Variants in RIC1 observed in about 807,000 individuals in gnomAD.
The protein encoded by RIC1 is guanine nucleotide exchange factor subunit RIC1.
In RIC1, 88 loss-of-function variants were observed where a neutral mutation model predicts 169.0. The ratio of observed to expected loss-of-function variants is 0.52; its 90% confidence interval spans 0.44 to 0.62. The LOEUF (loss-of-function observed/expected upper bound fraction) is 0.62, where lower values mean the gene tolerates loss of function less well. Among genes scored for constraint, RIC1 ranks in the 20% least tolerant of loss-of-function variants. The probability of loss-of-function intolerance (pLI) is 0.00; values close to 1 mark genes in which losing one functional copy is unlikely to be tolerated. For synonymous variants in RIC1, 790 were observed against 601.5 expected (o/e 1.31, Z -4.59); for missense variants, 1,877 against 1,725.5 (o/e 1.09, Z -1.56).
At chr9:5,727,125 C>G (rs1824044566) in intron 6 of RIC1, among the ~76,000 whole-genome samples, 2 of 152,208 alleles carry the variant, frequency 1.3e-5, no homozygotes, top group African/African-American at 4.8e-5. Context: ...GGGAAGTTCT[C>G]CTGGATAACA....
Position 5,763,048 on chromosome 9 carries a change from C to A in RIC1, c.2113-92C>A. 1 of 1,422,424 alleles carries A rather than the reference C, an allele frequency of 7.0e-7. No individual in the cohort carries two copies. The highest frequency in any genetic ancestry group is 2.4e-5 in the Admixed American group (1 of 42,192). 88.1% of individuals were successfully genotyped at this position (1,422,424 alleles called of 1,614,324 possible). ...TTTTCCCAAAAAAATATTATACTAT[C>A]ATTTGAAAGACTTAGTAAACTAGTA... On this transcript the variant is annotated intron_variant, in intron 18 of 25. Coordinates refer to ENST00000414202, the MANE Select transcript of RIC1 (RefSeq NM_020829.4). The surrounding 1 kb of genome is among the most constrained non-coding windows in gnomAD (Gnocchi z 5.2).
intron 6 of RIC1, among the ~76,000 whole-genome samples, chr9:5,721,598 A>C (rs928695463): frequency 1.3e-5 from 2 of 152,192 alleles, no homozygotes; most frequent in Non-Finnish European, 2.9e-5. Context: ...CCTCTGGATC[A>C]CCAGTTTCAT....
At position 5,637,317 on chromosome 9, in the gene RIC1, C is replaced by T. The variant is rs911193146; in HGVS notation, c.144+7864C>T. 7.2e-5 allele frequency among the ~76,000 whole-genome samples: 11 copies of T among 152,250 alleles called. No homozygotes were observed. The East Asian group carries it at 1.7e-3, about 24-fold the overall frequency. On this transcript the variant is annotated intron_variant, in intron 1 of 25. Transcript: ENST00000414202. ...CTCCTGAGCTCAAGTGATCCATCCACCTCGGGCTCCCAAAGTGCTGGGATT... is the reference window on the plus strand; with the variant it reads ...CTCCTGAGCTCAAGTGATCCATCCATCTCGGGCTCCCAAAGTGCTGGGATT...
At chr9:5,632,177 C>G (rs1479336461) in intron 1 of RIC1, among the ~76,000 whole-genome samples, 1 of 152,158 alleles carries the variant, frequency 6.6e-6, no homozygotes, top group Non-Finnish European at 1.5e-5. Flanking sequence ...TTAGGGCTCA[C>G]TTAGTAAATC....
At chr9:5,729,301 A>G (rs923475835) in intron 6 of RIC1, among the ~76,000 whole-genome samples, 3 of 152,050 alleles carry the variant, frequency 2.0e-5, no homozygotes, top group Non-Finnish European at 4.4e-5. Flanking sequence ...TAGGGTATTT[A>G]TTGGCTGCTC....
chr9:5,727,542 A>T (rs1000591732), intron 6 of RIC1, among the ~76,000 whole-genome samples: 6 of 152,172 alleles, frequency 3.9e-5, no homozygotes, highest in African/African-American at 1.4e-4. Context: ...TTCTTCTCTC[A>T]ACTCATCAAA....
chr9:5,673,501 C>A (rs975008950), intron 2 of RIC1, among the ~76,000 whole-genome samples: 3 of 131,630 alleles, frequency 2.3e-5, no homozygotes, highest in African/African-American at 9.2e-5. Flanking sequence ...AGGGAAGGTA[C>A]CCCACAAAAT....
At position 5,723,971 on chromosome 9, in the gene RIC1, A is replaced by G. The variant is rs544474110; in HGVS notation, c.720+3221A>G. Among the ~76,000 whole-genome samples the G allele has an allele frequency of 5.0e-3, 768 of 152,220 alleles. 8 individuals carry two copies. The highest frequency in any genetic ancestry group is 0.018 in the African/African-American group (730 of 41,522). On this transcript the variant is annotated intron_variant, in intron 6 of 25. Transcript: ENST00000414202. ...GTTTTGGTTACTGTAGCCTTGTAGT[A>G]TAGTTTGAAGTCAGGTAGCGTGATG...
Position 5,756,356 on chromosome 9 carries a change from G to C in RIC1, c.1837G>C (p.Glu613Gln). 6.7e-7 allele frequency: 1 copy of C among 1,490,108 alleles called. No homozygotes were observed. The highest frequency in any genetic ancestry group is 9.0e-7 in the Non-Finnish European group (1 of 1,107,244). 92.3% of individuals were successfully genotyped at this position (1,490,108 alleles called of 1,614,324 possible). A position where few individuals can be genotyped will look rare whatever the true frequency, so the allele number is the denominator to read the frequency against. The change falls in exon 16 of 26, where the codon GAA (glutamate) becomes CAA (glutamine). Residue 613 changes from glutamate (E) to glutamine (Q), a missense_variant. By Grantham distance (29) the Glu-to-Gln change is conservative. Coordinates refer to ENST00000414202, the MANE Select transcript of RIC1 (RefSeq NM_020829.4). ...ADCSICLYSI[E>Q]RKSDGPNTTA... ...CTGTTCAATATGCCTTTACAGTATT[G>C]AAAGAAAATCTGATGGGTAAGTATC... is the stretch of plus-strand genomic sequence containing the variant.
chr9:5,637,525 C>G (rs942667797), intron 1 of RIC1, among the ~76,000 whole-genome samples: 1 of 152,176 alleles, frequency 6.6e-6, no homozygotes, highest in Non-Finnish European at 1.5e-5. Flanking sequence ...ACTGTAGTCA[C>G]CCTGTTGTGC....
rs778493235 is a variant in RIC1 at position 5,774,043 on chromosome 9, G to A, written c.4069G>A (p.Ala1357Thr). Residue 1357 changes from alanine (A) to threonine (T), a missense_variant, in exon 26 of 26, where the codon GCC (alanine) becomes ACC (threonine). Ala to Thr is a moderately conservative substitution (Grantham distance 58). Transcript: ENST00000414202. ...EITEEQVQPD[A>T]FQPITMGKTP... is the part of the protein sequence containing the mutation. ...AACAGAAGAGCAGGTCCAGCCAGAT[G>A]CCTTCCAACCAATAACTATGGGTAA... is the stretch of plus-strand genomic sequence containing the variant. 8.7e-6 allele frequency: 14 copies of A among 1,613,928 alleles called. No homozygotes were observed. Among genetic ancestry groups the A allele is most frequent in the Non-Finnish European group, 1.1e-5 (13 of 1,179,972 alleles).
At chr9:5,650,353 A>G (rs932309892) in intron 1 of RIC1, among the ~76,000 whole-genome samples, 4 of 151,854 alleles carry the variant, frequency 2.6e-5, no homozygotes, top group African/African-American at 9.7e-5. Flanking sequence ...GGCAATCTCT[A>G]TGCTCCAATC....
At chr9:5,703,523 G>C (rs1012433223) in intron 3 of RIC1, among the ~76,000 whole-genome samples, 2 of 152,146 alleles carry the variant, frequency 1.3e-5, no homozygotes, top group African/African-American at 2.4e-5. Flanking sequence ...TTTGTTTCTT[G>C]TCTGTGTCTC....
At chr9:5,635,890 C>A (rs548872034) in intron 1 of RIC1, among the ~76,000 whole-genome samples, 1 of 152,322 alleles carries the variant, frequency 6.6e-6, no homozygotes, top group East Asian at 1.9e-4. Context: ...CCTCACCAGC[C>A]ATTATGGAAC....
At chr9:5,777,265 C>T (rs1480922544), downstream of RIC1, among the ~76,000 whole-genome samples, 1 of 150,850 alleles carries the variant, frequency 6.6e-6, no homozygotes, top group Non-Finnish European at 1.5e-5. Context: ...ACTATTTCTT[C>T]ATTCTGTGGG....
intron 2 of RIC1, among the ~76,000 whole-genome samples, chr9:5,664,150 C>T (rs967980566): frequency 1.3e-5 from 2 of 152,094 alleles, no homozygotes; most frequent in Non-Finnish European, 2.9e-5. Context: ...TGGCTCACAC[C>T]TGTAATCCCA....
intron 6 of RIC1, among the ~76,000 whole-genome samples, chr9:5,721,237 G>A (rs73392684): frequency 0.017 from 2,660 of 152,166 alleles, 74 homozygotes; most frequent in African/African-American, 0.059. Flanking sequence ...CATTAGTACC[G>A]AAACCATGTG....
chr9:5,659,105 A>G (rs1050350961), intron 2 of RIC1, among the ~76,000 whole-genome samples: 5 of 152,108 alleles, frequency 3.3e-5, no homozygotes, highest in African/African-American at 9.7e-5. Context: ...ATATTACCAA[A>G]AAAAGTTGTA....
intron 5 of RIC1, 98 bp from the exon 6 acceptor site, chr9:5,720,516 T>A (rs1823521221): frequency 3.1e-6 from 4 of 1,287,316 alleles, no homozygotes; most frequent in Non-Finnish European, 4.3e-6. Flanking sequence ...TAGGTCATTA[T>A]TTTTACCCTT....
Sources: gnomAD v4.1 joint callset for allele counts (sites outside exome capture counted in the v4.1 genomes callset) on GRCh38, gnomAD v4.1.1 for gene constraint, Gnocchi (gnomAD v3.1) non-coding constraint, MANE v1.5 for transcripts, NCBI Gene and HGNC (gene_info 2026-07-23, HGNC 2026-07-21) for gene names.